DYNC1H1: variants seen among roughly 807,000 people sequenced by gnomAD.
DYNC1H1 encodes the protein cytoplasmic dynein 1 heavy chain 1.
A neutral mutation model predicts 527.1 loss-of-function variants in DYNC1H1; 51 were observed. The ratio of observed to expected loss-of-function variants is 0.10; its 90% CI spans 0.08 to 0.12. The LOEUF (loss-of-function observed/expected upper bound fraction) is 0.12. DYNC1H1 is among the 10% of genes least tolerant of loss of function. The probability of loss-of-function intolerance (pLI) is 1.00; values close to 1 mark genes in which losing one functional copy is unlikely to be tolerated. For missense variants in DYNC1H1, 2,771 were observed against 5,971.8 expected (o/e 0.46, Z 17.66); for synonymous variants, 2,189 against 2,278.8 (o/e 0.96, Z 1.12).
At chr14:101,972,618 G>C (rs1050649480) in intron 1 of DYNC1H1, among the ~76,000 whole-genome samples, 1 of 152,134 alleles carries the variant, frequency 6.6e-6, no homozygotes, top group Admixed American at 6.5e-5. Context: ...CCCCTAACCC[G>C]GTTTGCATTA....
rs771461224 is a variant in DYNC1H1 at position 102,027,884 on chromosome 14, A to G, written c.9263+51A>G. 23 of 1,614,078 alleles carry G rather than the reference A, an allele frequency of 1.4e-5. No homozygotes were observed. In the Admixed American group the frequency reaches 1.5e-4, roughly 11 times the overall value. ...GGTCAGGAAAGTCGGTGTCCTTCCA[A>G]GGGACAAAGCCTGCCCCTCATAGCT... On this transcript the variant is annotated intron_variant, in intron 47 of 77. Coordinates refer to ENST00000360184, the MANE Select transcript of DYNC1H1 (RefSeq NM_001376.5). The surrounding 1 kb of genome is among the most constrained non-coding windows in gnomAD (Gnocchi z 7.7).
rs1207334155 is a variant in DYNC1H1, at chr14:101,983,986, T to C, written c.1461+377T>C. On this transcript the variant is annotated intron_variant, in intron 7 of 77. Coordinates refer to ENST00000360184, the MANE Select transcript of DYNC1H1 (RefSeq NM_001376.5). The surrounding 1 kb of genome is among the most constrained non-coding windows in gnomAD (Gnocchi z 5.3). ...GACAGCATGCCCAGCCTGTTTTTGT[T>C]TGAGACAGTCTCATTCTGTTACCTA... Among the ~76,000 whole-genome samples, 1 of 151,924 alleles carries C rather than the reference T, an allele frequency of 6.6e-6. No homozygotes were observed. The highest frequency in any genetic ancestry group is 1.9e-4 in the East Asian group (1 of 5,188).
chr14:102,040,739 T>C (rs566389378), intron 64 of DYNC1H1, 66 bp downstream of exon 64: 1 of 1,578,584 alleles, frequency 6.3e-7, no homozygotes, highest in Admixed American at 1.7e-5. Flanking sequence ...CTTAAAGGGA[T>C]GCTTTCAAAA....
In DYNC1H1 at chr14:102,040,590, C is replaced by T. The variant is rs756323151; in HGVS notation, c.11866-8C>T. On this transcript the variant is annotated splice_polypyrimidine_tract_variant and splice_region_variant and intron_variant, in intron 63 of 77. Coordinates refer to ENST00000360184, the MANE Select transcript of DYNC1H1 (RefSeq NM_001376.5). ...GCTCCATGGGTGCTTCCACTATTGT[C>T]TCCACAGCAATTTGGCATCTGGCTG... 3 of 1,614,076 alleles carry T rather than the reference C, an allele frequency of 1.9e-6. No individual in the cohort carries two copies. In the African/African-American group the frequency reaches 4.0e-5, roughly 22 times the overall value.
At chr14:102,006,205 A>G (rs17512320) in intron 27 of DYNC1H1, 35 bp downstream of exon 27, 7 of 1,608,376 alleles carry the variant, frequency 4.4e-6, no homozygotes. Context: ...AGATGGAATC[A>G]TATATTAAAA....
Position 102,036,681 on chromosome 14 carries a change from A to G in DYNC1H1, c.10908+39A>G. 1 of 1,613,330 alleles carries G rather than the reference A, an allele frequency of 6.2e-7. No individual in the cohort carries two copies. Among genetic ancestry groups the G allele is most frequent in the South Asian group, 1.1e-5 (1 of 90,916 alleles). On this transcript the variant is annotated intron_variant, in intron 57 of 77. Transcript: ENST00000360184. The surrounding 1 kb of genome is among the most constrained non-coding windows in gnomAD (Gnocchi z 5.6). Reference sequence around the variant, plus strand: ...TTTGAATTCTTGAAACACTGCATTCAAGAGTGAATTCCTTTTTGGGGGCTG... The same window carrying G: ...TTTGAATTCTTGAAACACTGCATTCGAGAGTGAATTCCTTTTTGGGGGCTG...
In DYNC1H1 at chr14:102,055,957, T is replaced by A. The variant is rs1157591561; in HGVS notation, c.*5394T>A. ...AAATCTGAGACAGGTCTCAGTTAAT[T>A]TAGAAAAGATATTTGTCAAGGTTGA... On this transcript the variant is annotated 3_prime_UTR_variant, in exon 78 of 78. Transcript: ENST00000360184. 2 of 152,124 alleles carry A rather than the reference T, an allele frequency of 1.3e-5. No individual in the cohort carries two copies. Among genetic ancestry groups the A allele is most frequent in the Non-Finnish European group, 2.9e-5 (2 of 68,062 alleles). The allele number at this position is 152,124 out of a possible 1,614,324, so 9.4% of individuals were successfully genotyped here. A position where few individuals can be genotyped will look rare whatever the true frequency, so the allele number is the denominator to read the frequency against.
chr14:102,053,754 T>TG lies in DYNC1H1; in HGVS notation c.*3191_*3192insG, dbSNP rs775856080. ...ACCACACTCGGCCTCTTTGTTTGTTTTTTTTTTTTTTTGAGACAGTCTGGC... is the reference window on the plus strand; with the variant it reads ...ACCACACTCGGCCTCTTTGTTTGTTTGTTTTTTTTTTTTGAGACAGTCTGGC... On this transcript the variant is annotated 3_prime_UTR_variant, in exon 78 of 78. Transcript: ENST00000360184. 1,696 of 144,624 alleles carry TG rather than the reference T, an allele frequency of 0.012. 26 individuals are homozygous for TG. The highest frequency in any genetic ancestry group is 0.042 in the African/African-American group (1,555 of 37,156). The allele number at this position is 144,624 out of a possible 1,614,324, so 9.0% of individuals were successfully genotyped here.
At chr14:101,975,597 T>C (rs1475413396) in intron 1 of DYNC1H1, 115 bp from the exon 2 acceptor site, 5 of 911,974 alleles carry the variant, frequency 5.5e-6, no homozygotes, top group Non-Finnish European at 8.8e-6. Context: ...CCAAGTCATG[T>C]AGGTGTCGAT....
At chr14:102,000,628 G>T in intron 18 of DYNC1H1, 1 of 514,678 alleles carries the variant, frequency 1.9e-6, no homozygotes. Context: ...AGGCTGGAGT[G>T]CAATGGCATG....
intron 48 of DYNC1H1, chr14:102,028,386 G>A: frequency 6.9e-6 from 3 of 433,362 alleles, no homozygotes; most frequent in Non-Finnish European, 1.3e-5. Flanking sequence ...ATGGTGGTGG[G>A]CACCTATAGT....
At chr14:101,982,453 G>A (rs1478800675) in intron 5 of DYNC1H1, among the ~76,000 whole-genome samples, 9 of 151,988 alleles carry the variant, frequency 5.9e-5, no homozygotes, top group Admixed American at 5.9e-4. Context: ...TTAGCCGGGC[G>A]TGGTGGCAGG....
intron 18 of DYNC1H1, 200 bp from the exon 19 acceptor site, chr14:102,000,754 A>T (rs547432634): frequency 3.6e-6 from 2 of 551,384 alleles, no homozygotes; most frequent in Non-Finnish European, 6.6e-6. Context: ...TTGTATTTTT[A>T]GTAGAGACAG....
In DYNC1H1 at chr14:102,036,698, T is replaced by G. The variant is rs2048579204; in HGVS notation, c.10908+56T>G. The G allele has an allele frequency of 1.2e-6, 2 of 1,609,574 alleles. No homozygotes were observed. The highest frequency in any genetic ancestry group is 2.2e-5 in the East Asian group (1 of 44,826). On this transcript the variant is annotated intron_variant, in intron 57 of 77. Transcript: ENST00000360184. This position sits in a 1 kb window ranked among gnomAD's most constrained non-coding sequence, Gnocchi z 5.6. ...CTGCATTCAAGAGTGAATTCCTTTT[T>G]GGGGGCTGCCTTTAGTTTTCAACTT...
rs2048534162 is a variant in DYNC1H1 at position 102,033,533 on chromosome 14, G to A, written c.10413+49G>A. On this transcript the variant is annotated intron_variant, in intron 54 of 77. Transcript: ENST00000360184. This position sits in a 1 kb window ranked among gnomAD's most constrained non-coding sequence, Gnocchi z 5.6. ...CAGCCTTTCCTGCTGTGGAAGCAGAGATTAACACACTTCAACATGCGCTGC... is the reference window on the plus strand; with the variant it reads ...CAGCCTTTCCTGCTGTGGAAGCAGAAATTAACACACTTCAACATGCGCTGC... 1 of 1,606,772 alleles carries A rather than the reference G, an allele frequency of 6.2e-7. No individual in the cohort carries two copies. Among genetic ancestry groups the A allele is most frequent in the South Asian group, 1.1e-5 (1 of 90,476 alleles).
chr14:102,033,882 AC>A lies in DYNC1H1; in HGVS notation c.10414-91del, dbSNP rs376175803. 1.0e-4 allele frequency: 145 copies of A among 1,428,176 alleles called. 1 individual carries two copies. The African/African-American group carries it at 1.7e-3, about 17-fold the overall frequency. 88.5% of individuals were successfully genotyped at this position (1,428,176 alleles called of 1,614,324 possible). A position where few individuals can be genotyped will look rare whatever the true frequency, so the allele number is the denominator to read the frequency against. On this transcript the variant is annotated intron_variant, in intron 54 of 77. Coordinates refer to ENST00000360184, the MANE Select transcript of DYNC1H1 (RefSeq NM_001376.5). This position sits in a 1 kb window ranked among gnomAD's most constrained non-coding sequence, Gnocchi z 5.6. ...TGGGCACGTTTCTAACCCACCCAAA[AC>A]CCTGCACATAATGTGGATGAACCGA...
At position 102,038,884 on chromosome 14, in the gene DYNC1H1, G is replaced by A. The variant is rs756023977; in HGVS notation, c.11206+36G>A. 167 of 1,613,974 alleles carry A rather than the reference G, an allele frequency of 1.0e-4. No individual in the cohort carries two copies. The highest frequency in any genetic ancestry group is 1.3e-4 in the Non-Finnish European group (152 of 1,180,038). On this transcript the variant is annotated intron_variant, in intron 59 of 77. Transcript: ENST00000360184. The surrounding 1 kb of genome is among the most constrained non-coding windows in gnomAD (Gnocchi z 7.2). Reference sequence around the variant, plus strand: ...GACCTGTGGCTTTTAGATGGTTGGTGCAGGGGAAGGGGCTGAACTTTTAAG... The same window carrying A: ...GACCTGTGGCTTTTAGATGGTTGGTACAGGGGAAGGGGCTGAACTTTTAAG...
intron 28 of DYNC1H1, among the ~76,000 whole-genome samples, chr14:102,007,769 C>T (rs2720209): frequency 6.6e-6 from 1 of 152,166 alleles, no homozygotes; most frequent in Non-Finnish European, 1.5e-5. Flanking sequence ...CTCAGGCCAC[C>T]ATATCCAAGC....
chr14:102,039,813 T>C lies in DYNC1H1; in HGVS notation c.11690+81T>C. 2 of 1,418,968 alleles carry C rather than the reference T, an allele frequency of 1.4e-6. No individual in the cohort carries two copies. Among genetic ancestry groups the C allele is most frequent in the Non-Finnish European group, 2.0e-6 (2 of 1,021,620 alleles). 87.9% of individuals were successfully genotyped at this position (1,418,968 alleles called of 1,614,324 possible). A position where few individuals can be genotyped will look rare whatever the true frequency, so the allele number is the denominator to read the frequency against. ...TTCATGATCAGATACATGCTTTTATTATTTCTTTTATTTTCTCTTTTATTT... is the reference window on the plus strand; with the variant it reads ...TTCATGATCAGATACATGCTTTTATCATTTCTTTTATTTTCTCTTTTATTT... On this transcript the variant is annotated intron_variant, in intron 62 of 77. Coordinates refer to ENST00000360184, the MANE Select transcript of DYNC1H1 (RefSeq NM_001376.5). The surrounding 1 kb of genome is among the most constrained non-coding windows in gnomAD (Gnocchi z 7.0).
Sources: gnomAD v4.1 joint callset for allele counts (sites outside exome capture counted in the v4.1 genomes callset) on GRCh38, gnomAD v4.1.1 for gene constraint, Gnocchi (gnomAD v3.1) non-coding constraint, MANE v1.5 for transcripts, NCBI Gene and HGNC (gene_info 2026-07-23, HGNC 2026-07-21) for gene names.